ROR1: variants seen among roughly 807,000 people sequenced by gnomAD.
ROR1 encodes the protein ROR family WNT receptor 1.
Under a neutral mutation model 78.8 loss-of-function variants are expected in ROR1, and 19 were observed. The observed-to-expected ratio is 0.24, with a 90% CI of 0.17 to 0.35. The LOEUF (loss-of-function observed/expected upper bound fraction) is 0.35. Ranked by LOEUF, ROR1 falls within the 10% of genes least tolerant of loss-of-function variation. The pLI is 1.00. For missense variants in ROR1, 917 were observed against 1,177.8 expected (o/e 0.78, Z 3.24); for synonymous variants, 386 against 433.6 (o/e 0.89, Z 1.36).
chr1:63,842,224 T>C (rs563963074), intron 1 of ROR1, among the ~76,000 whole-genome samples: 1 of 151,386 alleles, frequency 6.6e-6, no homozygotes, highest in South Asian at 2.1e-4. Flanking sequence ...TGTGAAGGAT[T>C]TGAGACTTTA....
intron 1 of ROR1, among the ~76,000 whole-genome samples, chr1:63,782,748 A>G (rs1172442704): frequency 2.6e-5 from 4 of 152,102 alleles, no homozygotes; most frequent in African/African-American, 9.7e-5. Context: ...TTCCCAAATA[A>G]TTTATGGCAC....
intron 1 of ROR1, among the ~76,000 whole-genome samples, chr1:64,005,615 G>A (rs1323828424): frequency 6.6e-6 from 1 of 152,146 alleles, no homozygotes; most frequent in East Asian, 1.9e-4. Flanking sequence ...GAAGCCACTG[G>A]TGGCCATGGA....
intron 2 of ROR1, among the ~76,000 whole-genome samples, chr1:64,035,857 C>A (rs549227307): frequency 6.6e-6 from 1 of 152,234 alleles, no homozygotes; most frequent in East Asian, 1.9e-4. Flanking sequence ...CACAAGAAAC[C>A]CTTGCATCCT....
At chr1:63,804,906 C>T (rs767641979) in intron 1 of ROR1, among the ~76,000 whole-genome samples, 1 of 152,184 alleles carries the variant, frequency 6.6e-6, no homozygotes, top group Non-Finnish European at 1.5e-5. Flanking sequence ...CTGTTTGACC[C>T]CACCTTGGGA....
rs191126235 is a variant in ROR1, at chr1:64,057,331, A to G, written c.482+6615A>G. Among the ~76,000 whole-genome samples, 539 of 152,288 alleles carry G rather than the reference A, an allele frequency of 3.5e-3. 3 individuals carry two copies. Among genetic ancestry groups the G allele is most frequent in the African/African-American group, 0.012 (508 of 41,552 alleles). Reference sequence around the variant, plus strand: ...AACATGTGTCTATGTGTCTATCCCTATTCAGTTCTACATAGTCTTGATTAC... The same window carrying G: ...AACATGTGTCTATGTGTCTATCCCTGTTCAGTTCTACATAGTCTTGATTAC... On this transcript the variant is annotated intron_variant, in intron 4 of 8. Transcript: ENST00000371079.
intron 1 of ROR1, among the ~76,000 whole-genome samples, chr1:63,993,803 T>C (rs916635568): frequency 1.3e-5 from 2 of 152,190 alleles, no homozygotes; most frequent in African/African-American, 4.8e-5. Flanking sequence ...TTCCAATCAT[T>C]TTATATTATA....
chr1:63,905,899 G>A (rs1645524249), intron 1 of ROR1, among the ~76,000 whole-genome samples: 2 of 152,072 alleles, frequency 1.3e-5, no homozygotes, highest in African/African-American at 2.4e-5. Context: ...TACTTAACTC[G>A]ATAATAATTA....
intron 1 of ROR1, among the ~76,000 whole-genome samples, chr1:63,996,131 C>T (rs539923041): frequency 9.2e-5 from 14 of 152,026 alleles, no homozygotes; most frequent in Non-Finnish European, 1.9e-4. Context: ...CTGTGAGTAA[C>T]GTAGAAGAAA....
intron 1 of ROR1, among the ~76,000 whole-genome samples, chr1:63,894,256 T>C (rs543749857): frequency 7.9e-5 from 12 of 152,184 alleles, no homozygotes; most frequent in African/African-American, 2.9e-4. Context: ...CTGAGAATGG[T>C]GTATAATTTA....
At chr1:64,110,247 A>G (rs1648034912) in intron 4 of ROR1, among the ~76,000 whole-genome samples, 1 of 152,154 alleles carries the variant, frequency 6.6e-6, no homozygotes. Flanking sequence ...AAATCAAATT[A>G]TTCTTTTATT....
chr1:64,009,576 C>G (rs371321678), intron 2 of ROR1, among the ~76,000 whole-genome samples, 200 bp downstream of exon 2: 20 of 152,140 alleles, frequency 1.3e-4, no homozygotes, highest in Non-Finnish European at 2.4e-4. Context: ...TTCTTTCCCC[C>G]CCTCGTTCCT....
chr1:63,966,332 T>C (rs1031206779), intron 1 of ROR1, among the ~76,000 whole-genome samples: 8 of 152,150 alleles, frequency 5.3e-5, no homozygotes, highest in Non-Finnish European at 1.0e-4. Flanking sequence ...TCCTCACAGA[T>C]GGCAGGGCAC....
At chr1:64,173,510 T>C (rs7543102) in intron 8 of ROR1, among the ~76,000 whole-genome samples, 150,633 of 152,306 alleles carry the variant, frequency 0.99, 74,520 homozygotes, top group East Asian at 1. Flanking sequence ...AATCTGGGAT[T>C]GCTGGCCAGC....
intron 1 of ROR1, among the ~76,000 whole-genome samples, chr1:63,994,015 G>A (rs1646316903): frequency 6.6e-6 from 1 of 152,086 alleles, no homozygotes; most frequent in South Asian, 2.1e-4. Flanking sequence ...TCAGTATAGT[G>A]AGTTATCAAA....
At chr1:64,080,046 G>A (rs547589845) in intron 4 of ROR1, among the ~76,000 whole-genome samples, 72 of 152,130 alleles carry the variant, frequency 4.7e-4, no homozygotes, top group Non-Finnish European at 8.7e-4. Context: ...GATGACTAAA[G>A]GAGGAGCCTC....
At chr1:64,009,245 A>G in intron 1 of ROR1, 60 bp from the exon 2 acceptor site, 1 of 1,275,434 alleles carries the variant, frequency 7.8e-7, no homozygotes, top group South Asian at 1.2e-5. Flanking sequence ...CTAACAGCCT[A>G]TAAATTACTA....
intron 1 of ROR1, among the ~76,000 whole-genome samples, chr1:63,958,662 A>G (rs563412158): frequency 6.6e-6 from 1 of 152,220 alleles, no homozygotes; most frequent in Non-Finnish European, 1.5e-5. Context: ...TCCAATGCTC[A>G]TATAGTGGAT....
intron 7 of ROR1, among the ~76,000 whole-genome samples, chr1:64,150,607 T>C (rs1379944773): frequency 6.6e-6 from 1 of 152,222 alleles, no homozygotes; most frequent in Non-Finnish European, 1.5e-5. Context: ...AAAATAAAAT[T>C]GAACGTTACA....
intron 6 of ROR1, among the ~76,000 whole-genome samples, chr1:64,141,745 A>C (rs72686915): frequency 0.02 from 3,098 of 152,314 alleles, 40 homozygotes; most frequent in Non-Finnish European, 0.032. Context: ...GAGTGCATCT[A>C]AAATGCTTAA....
Sources: allele counts gnomAD v4.1 joint callset (sites outside exome capture counted in the v4.1 genomes callset), GRCh38; gene constraint gnomAD v4.1.1; transcripts MANE v1.5; gene names NCBI Gene and HGNC (gene_info 2026-07-23, HGNC 2026-07-21).